Variants in ZNF839 observed in about 807,000 individuals in gnomAD.
The protein encoded by ZNF839 is zinc finger protein 839, also known as renal carcinoma antigen NY-REN-50.
ZNF839 carries 38 observed loss-of-function variants against 56.4 expected under a neutral mutation model. That is an observed-to-expected ratio of 0.67 (90% CI 0.52 to 0.88). The LOEUF (loss-of-function observed/expected upper bound fraction) is 0.88. Among genes scored for constraint, ZNF839 ranks in the 40% least tolerant of loss-of-function variants. ZNF839 has a pLI of 0.00. For missense variants in ZNF839, 1,091 were observed against 1,177.6 expected (o/e 0.93, Z 1.08); for synonymous variants, 486 against 493.5 (o/e 0.98, Z 0.20).
rs372165787 is a variant in ZNF839 at position 102,326,596 on chromosome 14, C to T, written c.900C>T (p.Leu300=). 5.5e-5 allele frequency: 88 copies of T among 1,613,784 alleles called. No individual in the cohort carries two copies. Among genetic ancestry groups the T allele is most frequent in the Non-Finnish European group, 7.5e-5 (88 of 1,179,868 alleles). ...AAGATCAGAGGGAGAGGCACGCACT[C>T]TTTGACTTATCGAGCTGCTCCCTGA... ...EDEDQRERHA[L]FDLSSCSLRP... is the part of the protein sequence containing the mutation. Residue 300 remains leucine, a synonymous_variant, in exon 2 of 8, where the codon CTC becomes CTT. Coordinates refer to ENST00000442396, the MANE Select transcript of ZNF839 (RefSeq NM_018335.6). The surrounding 1 kb of genome is among the most constrained non-coding windows in gnomAD (Gnocchi z 4.3).
chr14:102,336,585 A>C, intron 5 of ZNF839: 1 of 421,132 alleles, frequency 2.4e-6, no homozygotes, highest in Non-Finnish European at 4.6e-6. Context: ...GTGAGCCACC[A>C]CATCCGGTCC....
At chr14:102,339,463 G>A (rs1203215201) in intron 7 of ZNF839, among the ~76,000 whole-genome samples, 1 of 152,142 alleles carries the variant, frequency 6.6e-6, no homozygotes, top group African/African-American at 2.4e-5. Context: ...GAGAGCCACA[G>A]GCCAGGTGCA....
intron 1 of ZNF839, among the ~76,000 whole-genome samples, chr14:102,322,559 T>C (rs577690928): frequency 6.6e-6 from 1 of 152,198 alleles, no homozygotes; most frequent in Non-Finnish European, 1.5e-5. Flanking sequence ...TGTATGTATG[T>C]ATATGTATTA....
intron 1 of ZNF839, among the ~76,000 whole-genome samples, chr14:102,321,031 C>G (rs1567281823): frequency 1.3e-5 from 2 of 152,214 alleles, no homozygotes; most frequent in African/African-American, 4.8e-5. Context: ...CTGATGTTAG[C>G]TGCTTAGGGT....
At chr14:102,328,390 ATATATATATATATATATATAT>A (rs2073571763) in intron 2 of ZNF839, among the ~76,000 whole-genome samples, 2 of 72,856 alleles carry the variant, frequency 2.7e-5, no homozygotes, top group South Asian at 3.9e-4. Context: ...ATATATATAT[ATATATATATATATATATATAT>A]GTATACACAC....
At position 102,320,937 on chromosome 14, in the gene ZNF839, T is replaced by C. The variant is rs115159467; in HGVS notation, c.288+884T>C. ...AAACAAAATTAGTCTCACCCCAAAATTGCCAAAAGAAGACAGCTTTTTCCA... is the reference window on the plus strand; with the variant it reads ...AAACAAAATTAGTCTCACCCCAAAACTGCCAAAAGAAGACAGCTTTTTCCA... On this transcript the variant is annotated intron_variant, in intron 1 of 7. Transcript: ENST00000442396. Among the ~76,000 whole-genome samples, 849 of 152,300 alleles carry C rather than the reference T, an allele frequency of 5.6e-3. 13 individuals are homozygous for C. Among genetic ancestry groups the C allele is most frequent in the African/African-American group, 0.019 (793 of 41,556 alleles).
Position 102,341,795 on chromosome 14 carries a change from T to C in ZNF839, c.2400T>C (p.Leu800=), listed in dbSNP as rs770922284. The change falls in exon 8 of 8, where the codon CTT becomes CTC. Residue 800 remains leucine, a synonymous_variant. Coordinates refer to ENST00000442396, the MANE Select transcript of ZNF839 (RefSeq NM_018335.6). ...VLPTEVAAPP[L]EKILSVDSVA... The stretch of plus-strand genomic sequence containing the variant: ...CTACAGAGGTGGCAGCCCCTCCGCT[T>C]GAGAAAATTTTGTCTGTGGATAGCG... The C allele has an allele frequency of 1.5e-5, 24 of 1,613,848 alleles. No individual in the cohort carries two copies. The highest frequency in any genetic ancestry group is 1.9e-5 in the Non-Finnish European group (23 of 1,179,886).
Position 102,326,875 on chromosome 14 carries a change from C to T in ZNF839, c.1179C>T (p.Arg393=), listed in dbSNP as rs768020879. The T allele has an allele frequency of 2.1e-5, 33 of 1,597,938 alleles. No individual in the cohort carries two copies. The Middle Eastern group carries it at 1.0e-3, about 49-fold the overall frequency. The change falls in exon 2 of 8, where the codon CGC becomes CGT. Residue 393 remains arginine, a synonymous_variant. Transcript: ENST00000442396. This position sits in a 1 kb window ranked among gnomAD's most constrained non-coding sequence, Gnocchi z 4.3. ...CCTGCTTGGTGACAGAGTCAGCACGCGGTGGCCTGCAGGTAATGTTTCTGT... is the reference window on the plus strand; with the variant it reads ...CCTGCTTGGTGACAGAGTCAGCACGTGGTGGCCTGCAGGTAATGTTTCTGT... The part of the protein sequence containing the change: ...ARSCLVTESA[R]GGLQNGQSVD...
intron 3 of ZNF839, among the ~76,000 whole-genome samples, chr14:102,333,352 A>G (rs910694524): frequency 7.2e-6 from 1 of 139,796 alleles, no homozygotes; most frequent in Non-Finnish European, 1.5e-5. Flanking sequence ...TCCACCTCCC[A>G]GGCTCAATTG....
chr14:102,321,311 T>C (rs2073115576), intron 1 of ZNF839, among the ~76,000 whole-genome samples: 2 of 152,252 alleles, frequency 1.3e-5, no homozygotes, highest in South Asian at 4.1e-4. Flanking sequence ...GGAAACAAGC[T>C]CAGGGAGGTT....
chr14:102,336,347 T>G (rs977051779), intron 5 of ZNF839, among the ~76,000 whole-genome samples: 1 of 152,108 alleles, frequency 6.6e-6, no homozygotes, highest in Non-Finnish European at 1.5e-5. Context: ...CAGGCTAGAG[T>G]GCAGTGGTGT....
At chr14:102,318,251 G>C (rs1196269996), upstream of ZNF839, among the ~76,000 whole-genome samples, 1 of 152,250 alleles carries the variant, frequency 6.6e-6, no homozygotes, top group Admixed American at 6.5e-5. Context: ...AATCGGTGGA[G>C]GTTGCTGCCC....
intron 5 of ZNF839, among the ~76,000 whole-genome samples, 158 bp from the exon 6 acceptor site, chr14:102,338,658 G>A (rs1212938000): frequency 6.7e-6 from 1 of 148,852 alleles, no homozygotes; most frequent in African/African-American, 2.5e-5. Context: ...ACATTATATT[G>A]ATCTTCATCT....
At chr14:102,340,456 G>A (rs1886389095) in intron 7 of ZNF839, among the ~76,000 whole-genome samples, 1 of 151,920 alleles carries the variant, frequency 6.6e-6, no homozygotes, top group African/African-American at 2.4e-5. Flanking sequence ...ATTTTTAGTA[G>A]AGATAGGGTT....
At chr14:102,340,579 G>A (rs559362806) in intron 7 of ZNF839, among the ~76,000 whole-genome samples, 2 of 152,192 alleles carry the variant, frequency 1.3e-5, no homozygotes, top group East Asian at 3.9e-4. Context: ...CCAGCCTGAT[G>A]GTGATTCTTA....
intron 2 of ZNF839, among the ~76,000 whole-genome samples, chr14:102,328,352 C>A (rs1373163331): frequency 4.4e-5 from 1 of 22,586 alleles, no homozygotes; most frequent in East Asian, 1.2e-3. Context: ...GAAACTCCAT[C>A]TCAAAAAAAA....
Position 102,331,852 on chromosome 14 carries a change from T to C in ZNF839, c.1416+6T>C. 1 of 1,550,826 alleles carries C rather than the reference T, an allele frequency of 6.4e-7. No individual in the cohort carries two copies. Among genetic ancestry groups the C allele is most frequent in the Non-Finnish European group, 8.7e-7 (1 of 1,152,704 alleles). On this transcript the variant is annotated splice_donor_region_variant and intron_variant, in intron 3 of 7. Transcript: ENST00000442396. ...GCAAAGCCAGGCTCAAGGAGGTACC[T>C]CACTCTTAAACCCTGTGCTTGAAAC...
rs556788451 is a variant in ZNF839, at chr14:102,340,253, G to A, written c.1927+1030G>A. 2.7e-5 allele frequency among the ~76,000 whole-genome samples: 4 copies of A among 147,220 alleles called. No homozygotes were observed. The Admixed American group carries it at 2.8e-4, about 10-fold the overall frequency. On this transcript the variant is annotated intron_variant, in intron 7 of 7. Coordinates refer to ENST00000442396, the MANE Select transcript of ZNF839 (RefSeq NM_018335.6). ...GGCCTCCCAAAGTGCTGGGATTACA[G>A]GCATGAGCCACTACGCCAGCCTTTT...
At chr14:102,341,138 C>G in intron 7 of ZNF839, 185 bp from the exon 8 acceptor site, 5 of 363,074 alleles carry the variant, frequency 1.4e-5, no homozygotes, top group Non-Finnish European at 4.7e-6. Context: ...CAAAATCTGT[C>G]TTTGTGAATA....
Sources: gnomAD v4.1 joint callset for allele counts (sites outside exome capture counted in the v4.1 genomes callset) on GRCh38, gnomAD v4.1.1 for gene constraint, Gnocchi (gnomAD v3.1) non-coding constraint, MANE v1.5 for transcripts, NCBI Gene and HGNC (gene_info 2026-07-23, HGNC 2026-07-21) for gene names.